CACNA2D1: variants seen among roughly 807,000 people sequenced by gnomAD.
CACNA2D1 encodes voltage-dependent calcium channel subunit alpha-2/delta-1.
Under a neutral mutation model 171.5 loss-of-function variants are expected in CACNA2D1, and 53 were observed. The observed-to-expected ratio is 0.31, with a 90% CI of 0.25 to 0.39. The LOEUF (loss-of-function observed/expected upper bound fraction) is 0.39, where lower values mean the gene tolerates loss of function less well. CACNA2D1 is among the 10% of genes least tolerant of loss of function. The pLI is 1.00. For missense variants in CACNA2D1, 903 were observed against 1,299.8 expected (o/e 0.69, Z 4.69); for synonymous variants, 442 against 443.1 (o/e 1.00, Z 0.03).
chr7:82,362,956 G>A (rs1324291714), intron 1 of CACNA2D1, among the ~76,000 whole-genome samples: 1 of 152,056 alleles, frequency 6.6e-6, no homozygotes, highest in African/African-American at 2.4e-5. Flanking sequence ...GGCACAAACT[G>A]TCAGAAAGTT....
chr7:82,371,518 T>C (rs1301118717), intron 1 of CACNA2D1, among the ~76,000 whole-genome samples: 1 of 152,210 alleles, frequency 6.6e-6, no homozygotes, highest in Non-Finnish European at 1.5e-5. Flanking sequence ...ATGCTAAGAG[T>C]TCGAGCTTAA....
chr7:82,142,723 T>G (rs1254280072), intron 4 of CACNA2D1, among the ~76,000 whole-genome samples: 1 of 152,156 alleles, frequency 6.6e-6, no homozygotes, highest in East Asian at 1.9e-4. Context: ...ATAAAGTCAC[T>G]TTTACAAAAT....
chr7:82,035,504 AC>A (rs1314983264), intron 11 of CACNA2D1, among the ~76,000 whole-genome samples: 1 of 152,170 alleles, frequency 6.6e-6, no homozygotes, highest in South Asian at 2.1e-4. Flanking sequence ...AACAACTGGG[AC>A]CATATTTTAA....
intron 24 of CACNA2D1, among the ~76,000 whole-genome samples, chr7:81,975,711 G>A (rs1205303179): frequency 6.6e-6 from 1 of 152,034 alleles, no homozygotes; most frequent in Non-Finnish European, 1.5e-5. Context: ...TAGAAAATGA[G>A]TTGTGTACAA....
chr7:82,246,292 A>C (rs1247353783), intron 3 of CACNA2D1, among the ~76,000 whole-genome samples: 1 of 151,772 alleles, frequency 6.6e-6, no homozygotes, highest in Non-Finnish European at 1.5e-5. Context: ...TTTAATTTAT[A>C]CATATCACAT....
At chr7:82,087,727 G>C (rs1810645637) in intron 6 of CACNA2D1, among the ~76,000 whole-genome samples, 1 of 152,012 alleles carries the variant, frequency 6.6e-6, no homozygotes, top group African/African-American at 2.4e-5. Flanking sequence ...GAAAAGACCA[G>C]ACTTTTTTTC....
intron 5 of CACNA2D1, among the ~76,000 whole-genome samples, chr7:82,136,084 A>G (rs1051259413): frequency 3.3e-5 from 5 of 152,236 alleles, no homozygotes; most frequent in African/African-American, 9.6e-5. Context: ...TAGCACTAAA[A>G]TAATCCATGT....
chr7:82,349,545 T>C, intron 2 of CACNA2D1, 23 bp downstream of exon 2: 2 of 1,579,550 alleles, frequency 1.3e-6, no homozygotes, highest in Non-Finnish European at 1.7e-6. Flanking sequence ...GATTAAGAAA[T>C]CTCTTTGGTG....
chr7:82,223,245 T>C (rs1193033840), intron 3 of CACNA2D1, among the ~76,000 whole-genome samples: 1 of 152,116 alleles, frequency 6.6e-6, no homozygotes, highest in African/African-American at 2.4e-5. Context: ...AATGCTAAAT[T>C]ACTTTAATCT....
intron 4 of CACNA2D1, among the ~76,000 whole-genome samples, chr7:82,166,415 G>A (rs1795459277): frequency 6.6e-6 from 1 of 151,946 alleles, no homozygotes; most frequent in Non-Finnish European, 1.5e-5. Flanking sequence ...GTGCTAATAA[G>A]CCATACATAA....
chr7:82,209,424 G>A (rs1363189698), intron 3 of CACNA2D1, among the ~76,000 whole-genome samples: 2 of 152,150 alleles, frequency 1.3e-5, no homozygotes, highest in African/African-American at 4.8e-5. Flanking sequence ...TTTAGAGAGT[G>A]AAAAGAGAGC....
intron 2 of CACNA2D1, among the ~76,000 whole-genome samples, chr7:82,342,040 C>T (rs1818715369): frequency 8.4e-6 from 1 of 118,660 alleles, no homozygotes; most frequent in Non-Finnish European, 1.6e-5. Context: ...GGCTACAGCG[C>T]GAGACTCCGT....
intron 35 of CACNA2D1, 86 bp from the exon 36 acceptor site, chr7:81,962,109 C>CAGAGCAA: frequency 7.6e-7 from 1 of 1,309,256 alleles, no homozygotes. Flanking sequence ...TCACTTCTCA[C>CAGAGCAA]AGAGCAAAAT....
chr7:81,961,790 T>C (rs952910720), intron 36 of CACNA2D1, 104 bp downstream of exon 36: 7 of 929,824 alleles, frequency 7.5e-6, no homozygotes, highest in African/African-American at 1.7e-5. Flanking sequence ...CAATTTTCAG[T>C]TTTTTCTGTA....
chr7:82,016,733 C>T (rs952497560), intron 12 of CACNA2D1, among the ~76,000 whole-genome samples: 1 of 151,490 alleles, frequency 6.6e-6, no homozygotes, highest in Non-Finnish European at 1.5e-5. Context: ...TATTTGGGAT[C>T]AGGGCTGGGG....
At chr7:81,975,221 C>T (rs1463830215) in intron 24 of CACNA2D1, among the ~76,000 whole-genome samples, 1 of 152,018 alleles carries the variant, frequency 6.6e-6, no homozygotes, top group Admixed American at 6.6e-5. Flanking sequence ...TGTATTATTT[C>T]TTGCAACTGC....
chr7:82,054,960 C>T (rs182201735), intron 10 of CACNA2D1, among the ~76,000 whole-genome samples: 1 of 152,228 alleles, frequency 6.6e-6, no homozygotes, highest in East Asian at 1.9e-4. Context: ...TTATGTCAGC[C>T]AACTATCAAC....
intron 10 of CACNA2D1, among the ~76,000 whole-genome samples, chr7:82,058,260 C>G (rs1346249515): frequency 6.6e-6 from 1 of 152,152 alleles, no homozygotes; most frequent in Non-Finnish European, 1.5e-5. Flanking sequence ...GTGATCACCT[C>G]CCAAATACAC....
intron 6 of CACNA2D1, among the ~76,000 whole-genome samples, chr7:82,111,394 GTA>G (rs1169376282): frequency 5.6e-5 from 6 of 107,760 alleles, no homozygotes; most frequent in African/African-American, 1.4e-4. Flanking sequence ...GTGTATATAT[GTA>G]TATATATATT....
Sources: gnomAD v4.1 joint callset for allele counts (sites outside exome capture counted in the v4.1 genomes callset) on GRCh38, gnomAD v4.1.1 for gene constraint, MANE v1.5 for transcripts, NCBI Gene and HGNC (gene_info 2026-07-23, HGNC 2026-07-21) for gene names.